STXBP6: variants seen among roughly 807,000 people sequenced by gnomAD.
STXBP6 encodes syntaxin-binding protein 6.
A neutral mutation model predicts 26.9 loss-of-function variants in STXBP6; 21 were observed. The ratio of observed to expected loss-of-function variants is 0.78; its 90% CI spans 0.55 to 1.12. STXBP6 has a LOEUF of 1.12. Among genes scored for constraint, STXBP6 ranks in the 50% most tolerant of loss-of-function variants. The probability of loss-of-function intolerance (pLI) is 0.00; values close to 1 mark genes in which losing one functional copy is unlikely to be tolerated. For synonymous variants in STXBP6, 97 were observed against 92.6 expected, an observed-to-expected ratio of 1.05 and a Z score of -0.27; for missense variants, 232 against 257.9, an observed-to-expected ratio of 0.90 and a Z score of 0.69.
intron 2 of STXBP6, among the ~76,000 whole-genome samples, chr14:24,866,685 T>C (rs551833182): frequency 1.3e-4 from 19 of 151,738 alleles, no homozygotes; most frequent in Non-Finnish European, 2.4e-4. Flanking sequence ...TATTCAAGGA[T>C]TGGAGGACTT....
At chr14:25,032,791 T>C (rs1249742652) in intron 1 of STXBP6, among the ~76,000 whole-genome samples, 1 of 152,192 alleles carries the variant, frequency 6.6e-6, no homozygotes, top group African/African-American at 2.4e-5. Flanking sequence ...TACAGATAGA[T>C]AAACAGAGGA....
chr14:25,032,212 A>G (rs1441582983), intron 1 of STXBP6, among the ~76,000 whole-genome samples: 1 of 152,220 alleles, frequency 6.6e-6, no homozygotes, highest in Non-Finnish European at 1.5e-5. Flanking sequence ...AAAGCACTGC[A>G]GCAGTACTGA....
chr14:24,860,642 C>T (rs1467783138), intron 2 of STXBP6, among the ~76,000 whole-genome samples: 1 of 152,086 alleles, frequency 6.6e-6, no homozygotes, highest in African/African-American at 2.4e-5. Context: ...TCAGTATATA[C>T]CACCTGTACA....
chr14:24,896,103 T>C (rs576900917), intron 2 of STXBP6, among the ~76,000 whole-genome samples: 7 of 152,212 alleles, frequency 4.6e-5, no homozygotes, highest in African/African-American at 1.7e-4. Context: ...ATTTCTGACA[T>C]GAATGTCCTA....
intron 2 of STXBP6, among the ~76,000 whole-genome samples, chr14:24,923,862 G>A (rs1029131888): frequency 1.3e-5 from 2 of 152,014 alleles, no homozygotes; most frequent in African/African-American, 4.8e-5. Context: ...CTTGCACATG[G>A]CAGTCTTTTC....
chr14:24,927,259 G>T (rs537143808), intron 2 of STXBP6, among the ~76,000 whole-genome samples: 1 of 152,142 alleles, frequency 6.6e-6, no homozygotes, highest in Non-Finnish European at 1.5e-5. Flanking sequence ...TACTGGCCTT[G>T]TTCCCTGGCT....
At chr14:24,864,481 G>C (rs1192834551) in intron 2 of STXBP6, among the ~76,000 whole-genome samples, 2 of 152,072 alleles carry the variant, frequency 1.3e-5, no homozygotes, top group African/African-American at 4.8e-5. Flanking sequence ...GCAGGTGAGG[G>C]AAGGGCCTGT....
At chr14:24,875,706 A>G (rs1443626124) in intron 2 of STXBP6, among the ~76,000 whole-genome samples, 1 of 152,218 alleles carries the variant, frequency 6.6e-6, no homozygotes, top group Non-Finnish European at 1.5e-5. Context: ...CAACACTTGA[A>G]TCATAAAGCA....
rs140680071 is a variant in STXBP6 at position 24,887,747 on chromosome 14, C to T, written c.155-30590G>A. Among the ~76,000 whole-genome samples, 14 of 152,250 alleles carry T rather than the reference C, an allele frequency of 9.2e-5. No individual in the cohort carries two copies. In the East Asian group the frequency reaches 2.7e-3, roughly 29 times the overall value. On this transcript the variant is annotated intron_variant, in intron 2 of 5. Transcript: ENST00000323944. ...AAAACACACTAAAGGAAAACCAAAA[C>T]CCACCCCTCTCCCTGTGCCAGGGGT... is the stretch of plus-strand genomic sequence containing the variant.
chr14:24,932,180 G>A (rs536945718), intron 2 of STXBP6, among the ~76,000 whole-genome samples: 4 of 152,256 alleles, frequency 2.6e-5, no homozygotes, highest in East Asian at 3.9e-4. Flanking sequence ...AGGCCAAGGC[G>A]GGCAGATCAC....
intron 2 of STXBP6, among the ~76,000 whole-genome samples, chr14:24,929,915 T>C (rs569224417): frequency 6.6e-6 from 1 of 152,288 alleles, no homozygotes; most frequent in South Asian, 2.1e-4. Flanking sequence ...TTCTAAAGAA[T>C]CTAGAAAATA....
At chr14:24,921,853 A>ATT (rs34955096) in intron 2 of STXBP6, among the ~76,000 whole-genome samples, 1 of 151,750 alleles carries the variant, frequency 6.6e-6, no homozygotes, top group Non-Finnish European at 1.5e-5. Context: ...CATTTCAGCT[A>ATT]TTTTTTTGTC....
intron 4 of STXBP6, among the ~76,000 whole-genome samples, chr14:24,823,530 C>T (rs898420977): frequency 6.6e-6 from 1 of 152,052 alleles, no homozygotes. Flanking sequence ...CTATAAAATA[C>T]ATATAGAGAT....
chr14:24,871,462 C>G (rs2069933266), intron 2 of STXBP6, among the ~76,000 whole-genome samples: 1 of 152,184 alleles, frequency 6.6e-6, no homozygotes, highest in Non-Finnish European at 1.5e-5. Context: ...TTGAATAACT[C>G]CCATGGAGAA....
intron 1 of STXBP6, among the ~76,000 whole-genome samples, chr14:24,997,340 C>A (rs1414144533): frequency 6.6e-6 from 1 of 152,236 alleles, no homozygotes; most frequent in Admixed American, 6.5e-5. Context: ...ATCTATTCAA[C>A]CATCAAATAC....
chr14:24,916,434 A>C (rs1446712331), intron 2 of STXBP6, among the ~76,000 whole-genome samples: 1 of 152,066 alleles, frequency 6.6e-6, no homozygotes, highest in Non-Finnish European at 1.5e-5. Flanking sequence ...GACACACATA[A>C]ATTTGGTCTT....
chr14:24,854,413 C>T (rs2069256293), intron 4 of STXBP6, among the ~76,000 whole-genome samples: 1 of 152,080 alleles, frequency 6.6e-6, no homozygotes, highest in Admixed American at 6.6e-5. Context: ...CCAAGAGCAA[C>T]AGAAATTTCA....
At chr14:24,858,292 G>A (rs936101388) in intron 2 of STXBP6, among the ~76,000 whole-genome samples, 1 of 151,952 alleles carries the variant, frequency 6.6e-6, no homozygotes, top group Non-Finnish European at 1.5e-5. Flanking sequence ...TTTCATTGTC[G>A]GGGGCCATTA....
chr14:24,825,354 C>T (rs1430243564), intron 4 of STXBP6, among the ~76,000 whole-genome samples: 3 of 152,168 alleles, frequency 2.0e-5, no homozygotes, highest in Non-Finnish European at 4.4e-5. Context: ...ATAGAGGCTA[C>T]GGAACAGATA....
Sources: gnomAD v4.1 joint callset for allele counts (sites outside exome capture counted in the v4.1 genomes callset) on GRCh38, gnomAD v4.1.1 for gene constraint, MANE v1.5 for transcripts, NCBI Gene and HGNC (gene_info 2026-07-23, HGNC 2026-07-21) for gene names.